Variants in LHCGR observed in about 807,000 individuals in gnomAD.
The protein encoded by LHCGR is luteinizing hormone/choriogonadotropin receptor.
LHCGR carries 55 observed loss-of-function variants against 60.7 expected under a neutral mutation model. The observed-to-expected ratio is 0.91, with a 90% CI of 0.73 to 1.13. LHCGR has a LOEUF of 1.13. Ranked by LOEUF, LHCGR falls within the 50% of genes most tolerant of loss-of-function variation. The probability of loss-of-function intolerance (pLI) is 0.00; values close to 1 mark genes in which losing one functional copy is unlikely to be tolerated. For synonymous variants in LHCGR, 337 were observed against 316.5 expected, an observed-to-expected ratio of 1.06 and a Z score of -0.69; for missense variants, 862 against 836.0, an observed-to-expected ratio of 1.03 and a Z score of -0.38.
In LHCGR at chr2:48,687,718, C is replaced by G. The variant is rs759440300; in HGVS notation, c.2079G>C (p.Lys693Asn). 3 of 1,613,790 alleles carry G rather than the reference C, an allele frequency of 1.9e-6. No homozygotes were observed. Among genetic ancestry groups the G allele is most frequent in the Non-Finnish European group, 1.7e-6 (2 of 1,179,728 alleles). Residue 693 changes from lysine to asparagine, a missense_variant, in exon 11 of 11, where the codon AAG becomes AAC. Physicochemically the swap from Lys to Asn is moderately conservative, Grantham distance 94. Coordinates refer to ENST00000294954, the MANE Select transcript of LHCGR (RefSeq NM_000233.4). Reference sequence around the variant, plus strand: ...ACAGTTAACACTCTGTGTAGCGAGTCTTGTCTAGGAGAGCTGTACCTTGAC... The same window carrying G: ...ACAGTTAACACTCTGTGTAGCGAGTGTTGTCTAGGAGAGCTGTACCTTGAC... ...LHCQGTALLD[K>N]TRYTEC
At chr2:48,714,752 C>G (rs1668163201) in intron 6 of LHCGR, among the ~76,000 whole-genome samples, 1 of 152,022 alleles carries the variant, frequency 6.6e-6, no homozygotes, top group East Asian at 1.9e-4. Context: ...CACACACACA[C>G]AAACACACAC....
intron 3 of LHCGR, among the ~76,000 whole-genome samples, 189 bp from the exon 4 acceptor site, chr2:48,725,939 T>C (rs978691134): frequency 6.6e-6 from 1 of 152,124 alleles, no homozygotes; most frequent in African/African-American, 2.4e-5. Context: ...CAGTTCCCTA[T>C]TTCCAGGAAG....
Position 48,702,163 on chromosome 2 carries a change from AC to A in LHCGR, c.681-3364del, listed in dbSNP as rs568972449. ...CTGTTGCATTTCTCCCTGAAGCCTG[AC>A]TGCAGCTTCAGCTCTCTGCAGGATG... On this transcript the variant is annotated intron_variant, in intron 8 of 10. Transcript: ENST00000294954. Among the ~76,000 whole-genome samples, 171 of 152,038 alleles carry A rather than the reference AC, an allele frequency of 1.1e-3. 1 individual carries two copies. The highest frequency in any genetic ancestry group is 3.8e-3 in the African/African-American group (159 of 41,446).
Position 48,688,938 on chromosome 2 carries a change from A to G in LHCGR, c.948-89T>C. On this transcript the variant is annotated intron_variant, in intron 10 of 10. Coordinates refer to ENST00000294954, the MANE Select transcript of LHCGR (RefSeq NM_000233.4). This position sits in a 1 kb window ranked among gnomAD's most constrained non-coding sequence, Gnocchi z 5.2. ...TATGTTTCTTTAAAGGCAAAGAAAC[A>G]AAAGGAAACAAAGCCATAATAGCCT... 1 of 1,192,544 alleles carries G rather than the reference A, an allele frequency of 8.4e-7. No homozygotes were observed. Among genetic ancestry groups the G allele is most frequent in the South Asian group, 1.3e-5 (1 of 78,722 alleles). 73.9% of individuals were successfully genotyped at this position (1,192,544 alleles called of 1,614,324 possible).
rs1667831806 is a variant in LHCGR, at chr2:48,708,807, C to G, written c.680+141G>C. 3.9e-6 allele frequency: 3 copies of G among 774,368 alleles called. No individual in the cohort carries two copies. In the South Asian group the frequency reaches 4.2e-5, roughly 11 times the overall value. 48.0% of individuals were successfully genotyped at this position (774,368 alleles called of 1,614,324 possible). ...ACTTTATTATGGCAGCTGTGATACA[C>G]TTTGTCTTTCCAACAGCAGCCTTTT... On this transcript the variant is annotated intron_variant, in intron 8 of 10. Coordinates refer to ENST00000294954, the MANE Select transcript of LHCGR (RefSeq NM_000233.4).
intron 1 of LHCGR, among the ~76,000 whole-genome samples, chr2:48,751,992 A>T (rs1047332062): frequency 6.6e-6 from 1 of 152,230 alleles, no homozygotes; most frequent in Non-Finnish European, 1.5e-5. Context: ...TTATATAGCC[A>T]TGGGCAAGGT....
rs185284312 is a variant in LHCGR at position 48,702,346 on chromosome 2, G to C, written c.681-3546C>G. Among the ~76,000 whole-genome samples, 152 of 151,328 alleles carry C rather than the reference G, an allele frequency of 1.0e-3. 1 individual carries two copies. The highest frequency in any genetic ancestry group is 5.2e-4 in the Non-Finnish European group (35 of 67,934). ...TGTTACATAGGTATACATATGCCACGTTGGTTTGCTGCACCCATCAACTTG... is the reference window on the plus strand; with the variant it reads ...TGTTACATAGGTATACATATGCCACCTTGGTTTGCTGCACCCATCAACTTG... On this transcript the variant is annotated intron_variant, in intron 8 of 10. Coordinates refer to ENST00000294954, the MANE Select transcript of LHCGR (RefSeq NM_000233.4).
chr2:48,710,076 C>T (rs188839392), intron 7 of LHCGR, among the ~76,000 whole-genome samples: 11 of 152,290 alleles, frequency 7.2e-5, no homozygotes, highest in Middle Eastern at 6.8e-3. Flanking sequence ...ACCCATTCCC[C>T]GCCTTCATTG....
At position 48,687,266 on chromosome 2, in the gene LHCGR, G is replaced by C. The variant is rs548612430; in HGVS notation, c.*431C>G. ...ACATGTGGCTAGTGGCTACCGGATT[G>C]GACAGTGCATCTCTAGAGTGTGTTT... On this transcript the variant is annotated 3_prime_UTR_variant, in exon 11 of 11. Transcript: ENST00000294954. The C allele has an allele frequency of 1.2e-5, 2 of 168,968 alleles. No individual in the cohort carries two copies. The highest frequency in any genetic ancestry group is 3.2e-4 in the East Asian group (2 of 6,164). The allele number at this position is 168,968 out of a possible 1,614,324, so 10.5% of individuals were successfully genotyped here.
rs1379332510 is a variant in LHCGR, at chr2:48,687,652, TACAGG to T, written c.*40_*44del. On this transcript the variant is annotated 3_prime_UTR_variant, in exon 11 of 11. Coordinates refer to ENST00000294954, the MANE Select transcript of LHCGR (RefSeq NM_000233.4). The stretch of plus-strand genomic sequence containing the variant: ...ATTACTGGTACAGGTAATTTTTTTT[TACAGG>T]TTTAAGAACAATTCAATAATGCAGT... 1 of 1,512,228 alleles carries T rather than the reference TACAGG, an allele frequency of 6.6e-7. No homozygotes were observed. The highest frequency in any genetic ancestry group is 1.7e-5 in the Admixed American group (1 of 59,226). 93.7% of individuals were successfully genotyped at this position (1,512,228 alleles called of 1,614,324 possible).
chr2:48,721,774 C>T (rs1399314937), intron 6 of LHCGR: 2 of 470,942 alleles, frequency 4.2e-6, no homozygotes, highest in East Asian at 6.9e-5. Flanking sequence ...ACAATTTTGC[C>T]ATGGGCTGTA....
chr2:48,714,951 A>C (rs1668176198), intron 6 of LHCGR, among the ~76,000 whole-genome samples: 1 of 152,204 alleles, frequency 6.6e-6, no homozygotes, highest in South Asian at 2.1e-4. Flanking sequence ...AAATGGGACT[A>C]GGATATGCTT....
intron 9 of LHCGR, among the ~76,000 whole-genome samples, chr2:48,695,825 G>A (rs952720872): frequency 6.6e-6 from 1 of 152,112 alleles, no homozygotes; most frequent in Non-Finnish European, 1.5e-5. Flanking sequence ...AAAAGAGGGA[G>A]CTAAACACTG....
chr2:48,735,598 C>T (rs1247733590), intron 1 of LHCGR, among the ~76,000 whole-genome samples: 1 of 152,184 alleles, frequency 6.6e-6, no homozygotes, highest in Admixed American at 6.5e-5. Context: ...GTATCTCTTA[C>T]TGCTTAGTTC....
chr2:48,691,891 C>T (rs1666866421), intron 10 of LHCGR, among the ~76,000 whole-genome samples: 1 of 150,816 alleles, frequency 6.6e-6, no homozygotes, highest in South Asian at 2.1e-4. Flanking sequence ...CTGATTGAAT[C>T]CTTTCATTTT....
At chr2:48,750,963 C>G (rs1669930247) in intron 1 of LHCGR, among the ~76,000 whole-genome samples, 1 of 152,212 alleles carries the variant, frequency 6.6e-6, no homozygotes, top group African/African-American at 2.4e-5. Context: ...CCCCAATTGT[C>G]AATTGTCAAT....
intron 8 of LHCGR, among the ~76,000 whole-genome samples, chr2:48,708,351 C>A (rs1251365282): frequency 3.9e-5 from 6 of 152,094 alleles, no homozygotes; most frequent in Admixed American, 6.6e-5. Flanking sequence ...CACATGAGGC[C>A]ACCCCTCATA....
At chr2:48,704,045 A>G (rs762886903) in intron 8 of LHCGR, among the ~76,000 whole-genome samples, 16 of 152,122 alleles carry the variant, frequency 1.1e-4, no homozygotes, top group Admixed American at 1.0e-3. Flanking sequence ...AGCTCTTATT[A>G]TTTTGAGATA....
At chr2:48,720,947 C>G (rs183419331) in intron 6 of LHCGR, 1 of 152,228 alleles carries the variant, frequency 6.6e-6, no homozygotes, top group East Asian at 1.9e-4. Context: ...TCACATTTAC[C>G]CATATAAACG....
Sources: gnomAD v4.1 joint callset for allele counts (sites outside exome capture counted in the v4.1 genomes callset) on GRCh38, gnomAD v4.1.1 for gene constraint, Gnocchi (gnomAD v3.1) non-coding constraint, MANE v1.5 for transcripts, NCBI Gene and HGNC (gene_info 2026-07-23, HGNC 2026-07-21) for gene names.